ZC3H7A: variants seen among roughly 807,000 people sequenced by gnomAD.
ZC3H7A encodes the protein zinc finger CCCH domain-containing protein 7A.
A neutral mutation model predicts 125.5 loss-of-function variants in ZC3H7A; 44 were observed. The ratio of observed to expected loss-of-function variants is 0.35; its 90% CI spans 0.28 to 0.45. The LOEUF (loss-of-function observed/expected upper bound fraction) is 0.45. Among genes scored for constraint, ZC3H7A ranks in the 20% least tolerant of loss-of-function variants. The pLI is 1.00. For synonymous variants in ZC3H7A, 399 were observed against 391.2 expected (o/e 1.02, Z -0.23); for missense variants, 977 against 1,170.7 (o/e 0.83, Z 2.41).
intron 19 of ZC3H7A, chr16:11,759,171 C>G (rs566490204): frequency 6.6e-6 from 1 of 152,098 alleles, no homozygotes; most frequent in African/African-American, 2.4e-5. Flanking sequence ...ATAAAGTGAT[C>G]GTGATCAGCA....
In ZC3H7A at chr16:11,779,416, T is replaced by A; in HGVS notation, c.109-53A>T. Reference sequence around the variant, plus strand: ...GCCTTTTATCAAACAAGATATGGTATAAGTAAATTTTAATTTTTATACCTA... The same window carrying A: ...GCCTTTTATCAAACAAGATATGGTAAAAGTAAATTTTAATTTTTATACCTA... On this transcript the variant is annotated intron_variant, in intron 3 of 22. Transcript: ENST00000355758. 3 of 1,513,030 alleles carry A rather than the reference T, an allele frequency of 2.0e-6. No individual in the cohort carries two copies. In the South Asian group the frequency reaches 3.6e-5, roughly 18 times the overall value. 93.7% of individuals were successfully genotyped at this position (1,513,030 alleles called of 1,614,324 possible). A position where few individuals can be genotyped will look rare whatever the true frequency, so the allele number is the denominator to read the frequency against.
At chr16:11,782,539 C>T (rs1421490050) in intron 1 of ZC3H7A, 151 bp from the exon 2 acceptor site, 2 of 544,184 alleles carry the variant, frequency 3.7e-6, no homozygotes, top group Non-Finnish European at 6.5e-6. Flanking sequence ...AGGGACCGTA[C>T]AGGAGTCATC....
chr16:11,779,053 G>T, intron 4 of ZC3H7A, 113 bp downstream of exon 4: 2 of 924,094 alleles, frequency 2.2e-6, no homozygotes, highest in Non-Finnish European at 3.2e-6. Flanking sequence ...CACTCCAAAA[G>T]CAGGTAATAT....
At chr16:11,752,200 C>T (rs566405691) in intron 22 of ZC3H7A, among the ~76,000 whole-genome samples, 1 of 152,326 alleles carries the variant, frequency 6.6e-6, no homozygotes, top group South Asian at 2.1e-4. Context: ...CCACCATGCC[C>T]GGCTGCGTTG....
At chr16:11,782,544 G>T in intron 1 of ZC3H7A, 156 bp from the exon 2 acceptor site, 4 of 486,556 alleles carry the variant, frequency 8.2e-6, no homozygotes, top group Non-Finnish European at 1.1e-5. Context: ...CCGTACAGGA[G>T]TCATCTTTGT....
intron 9 of ZC3H7A, among the ~76,000 whole-genome samples, chr16:11,772,138 T>C (rs2052994823): frequency 6.7e-6 from 1 of 150,110 alleles, no homozygotes; most frequent in African/African-American, 2.5e-5. Context: ...GAGGTTGCAG[T>C]GAGCCAAGAT....
At chr16:11,795,974 G>A (rs1194993339) in intron 1 of ZC3H7A, among the ~76,000 whole-genome samples, 3 of 152,078 alleles carry the variant, frequency 2.0e-5, no homozygotes, top group Non-Finnish European at 4.4e-5. Flanking sequence ...CTGACTACCG[G>A]CGTGCGCCAC....
At chr16:11,795,580 C>T (rs1008053016) in intron 1 of ZC3H7A, among the ~76,000 whole-genome samples, 4 of 152,064 alleles carry the variant, frequency 2.6e-5, no homozygotes, top group Non-Finnish European at 5.9e-5. Flanking sequence ...GGATTACAGG[C>T]GCCTGCCACC....
At chr16:11,776,233 AAC>A (rs1309937459) in intron 7 of ZC3H7A, 85 bp downstream of exon 7, 2 of 1,359,510 alleles carry the variant, frequency 1.5e-6, no homozygotes, top group Non-Finnish European at 2.0e-6. Context: ...TCCAAAAATA[AAC>A]ACACACCAAA....
intron 9 of ZC3H7A, 91 bp downstream of exon 9, chr16:11,774,145 T>C (rs2053039097): frequency 7.8e-7 from 1 of 1,276,208 alleles, no homozygotes; most frequent in Non-Finnish European, 1.0e-6. Context: ...TCAGCCTATA[T>C]GCAATACTGA....
At chr16:11,768,237 G>T (rs556683434) in intron 12 of ZC3H7A, 78 bp downstream of exon 12, 1 of 1,280,852 alleles carries the variant, frequency 7.8e-7, no homozygotes, top group Non-Finnish European at 1.0e-6. Context: ...TTGTTAACAT[G>T]TATTTACAAA....
intron 21 of ZC3H7A, chr16:11,753,240 T>G: frequency 5.7e-6 from 1 of 173,952 alleles, no homozygotes; most frequent in Non-Finnish European, 1.2e-5. Flanking sequence ...GCCACTGCTG[T>G]GGCATCAGGA....
intron 10 of ZC3H7A, 45 bp downstream of exon 10, chr16:11,770,738 G>T: frequency 6.5e-7 from 1 of 1,529,808 alleles, no homozygotes; most frequent in Non-Finnish European, 8.9e-7. Flanking sequence ...TTTTCATTTT[G>T]AGAAAATCAA....
intron 4 of ZC3H7A, 44 bp from the exon 5 acceptor site, chr16:11,776,953 C>A: frequency 6.7e-7 from 1 of 1,489,324 alleles, no homozygotes; most frequent in South Asian, 1.4e-5. Context: ...TCAAACAATT[C>A]ATTTCTTGCA....
intron 1 of ZC3H7A, among the ~76,000 whole-genome samples, chr16:11,784,225 A>G (rs2053218916): frequency 6.6e-6 from 1 of 152,190 alleles, no homozygotes; most frequent in Non-Finnish European, 1.5e-5. Flanking sequence ...TGCCAAAAAT[A>G]TGGATAATGG....
chr16:11,766,277 G>A (rs16958628), intron 13 of ZC3H7A, among the ~76,000 whole-genome samples: 3 of 152,124 alleles, frequency 2.0e-5, no homozygotes, highest in African/African-American at 4.8e-5. Flanking sequence ...TTAAAATCTG[G>A]TCATAGGCCA....
At position 11,751,365 on chromosome 16, in the gene ZC3H7A, A is replaced by G. The variant is rs769918822; in HGVS notation, c.2868T>C (p.Asn956=). ...AACTATATTTTCCAAAGTCATTATC[A>G]TTTGGGCCAATTAAGTGATCTTTTC... is the stretch of plus-strand genomic sequence containing the variant. ...KARKDHLIGP[N]DNDFGKYSFL... is the part of the protein sequence containing the mutation. Residue 956 remains asparagine, a synonymous_variant, in exon 23 of 23, where the codon AAT becomes AAC. Transcript: ENST00000355758. 6.2e-7 allele frequency: 1 copy of G among 1,613,924 alleles called. No homozygotes were observed. Among genetic ancestry groups the G allele is most frequent in the East Asian group, 2.2e-5 (1 of 44,876 alleles).
rs1485329734 is a variant in ZC3H7A, at chr16:11,769,784, C to CTTTCTT, written c.1109-690_1109-689insAAGAAA. Among the ~76,000 whole-genome samples the CTTTCTT allele has an allele frequency of 2.8e-4, 17 of 61,618 alleles. 1 individual carries two copies. In the East Asian group the frequency reaches 5.0e-3, roughly 18 times the overall value. The allele number at this position is 61,618 out of a possible 152,430, so 40.4% of individuals were successfully genotyped here. On this transcript the variant is annotated intron_variant, in intron 10 of 22. Coordinates refer to ENST00000355758, the MANE Select transcript of ZC3H7A (RefSeq NM_014153.4). The stretch of plus-strand genomic sequence containing the variant: ...AATCAGTAAAGTTTTCAATTGCTTT[C>CTTTCTT]TTTTTTTTTTTTTTTTTTTTTTTGA...
intron 1 of ZC3H7A, among the ~76,000 whole-genome samples, chr16:11,791,088 AAC>A (rs34972921): frequency 0.27 from 36,665 of 135,730 alleles, 5,584 homozygotes; most frequent in Non-Finnish European, 0.36. Flanking sequence ...AAATTTTTAA[AAC>A]ACACACACAC....
Sources: allele counts gnomAD v4.1 joint callset (sites outside exome capture counted in the v4.1 genomes callset), GRCh38; gene constraint gnomAD v4.1.1; transcripts MANE v1.5; gene names NCBI Gene and HGNC (gene_info 2026-07-23, HGNC 2026-07-21).